The following FBXL5 variants were observed in gnomAD, a reference collection of about 807,000 sequenced individuals.
FBXL5 encodes the protein F-box/LRR-repeat protein 5.
Under a neutral mutation model 78.3 loss-of-function variants are expected in FBXL5, and 26 were observed. The observed-to-expected ratio is 0.33, with a 90% CI of 0.24 to 0.46. The LOEUF is 0.46. Among genes scored for constraint, FBXL5 ranks in the 20% least tolerant of loss-of-function variants. The pLI, the probability that FBXL5 is intolerant of heterozygous loss-of-function variation, is 1.00. For synonymous variants in FBXL5, 295 were observed against 282.5 expected (o/e 1.04, Z -0.45); for missense variants, 710 against 829.2 (o/e 0.86, Z 1.77).
intron 6 of FBXL5, among the ~76,000 whole-genome samples, chr4:15,629,873 A>C (rs1713442225): frequency 6.6e-6 from 1 of 152,142 alleles, no homozygotes; most frequent in Non-Finnish European, 1.5e-5. Flanking sequence ...TAACTTTATA[A>C]ATAAAATTTC....
chr4:15,664,550 C>CT (rs35319145), upstream of FBXL5, among the ~76,000 whole-genome samples: 17,661 of 75,666 alleles, frequency 0.23, 2,581 homozygotes, highest in East Asian at 0.38. Flanking sequence ...GGCCCTCATC[C>CT]TTTTTTTTTT....
rs147841428 is a variant in FBXL5, at chr4:15,636,020, C to A, written c.766+474G>T. On this transcript the variant is annotated intron_variant, in intron 5 of 10. Transcript: ENST00000341285. The stretch of plus-strand genomic sequence containing the variant: ...GATTCACAATTATTTTGAGCCATCA[C>A]CAAAATGGAGCCATAATGGTATATC... 1.8e-3 allele frequency among the ~76,000 whole-genome samples: 279 copies of A among 151,952 alleles called. 3 individuals carry two copies. Among genetic ancestry groups the A allele is most frequent in the East Asian group, 5.4e-3 (28 of 5,180 alleles).
At chr4:15,609,749 T>G (rs942122669) in intron 10 of FBXL5, among the ~76,000 whole-genome samples, 1 of 152,030 alleles carries the variant, frequency 6.6e-6, no homozygotes, top group African/African-American at 2.4e-5. Context: ...TCATAAAGAA[T>G]CATTCAGAAG....
At chr4:15,654,576 G>A (rs1716587136) in intron 1 of FBXL5, among the ~76,000 whole-genome samples, 1 of 152,216 alleles carries the variant, frequency 6.6e-6, no homozygotes, top group Non-Finnish European at 1.5e-5. Flanking sequence ...CAAGGAAAAC[G>A]ATAACGACAC....
At chr4:15,680,853 A>G (rs1189793737) in intron 1 of FBXL5, among the ~76,000 whole-genome samples, 1 of 149,714 alleles carries the variant, frequency 6.7e-6, no homozygotes, top group East Asian at 1.9e-4. Flanking sequence ...GTAGAATTTA[A>G]AAAAAAACTA....
rs752420469 is a variant in FBXL5 at position 15,630,806 on chromosome 4, A to T, written c.767-15T>A. 7 of 1,612,520 alleles carry T rather than the reference A, an allele frequency of 4.3e-6. No homozygotes were observed. Among genetic ancestry groups the T allele is most frequent in the Non-Finnish European group, 5.9e-6 (7 of 1,179,458 alleles). ...ATACCAGTCACCTACTCAATGAATA[A>T]ACAAGTAAAAGGTTCAAAATAATAT... On this transcript the variant is annotated splice_polypyrimidine_tract_variant and intron_variant, in intron 5 of 10. Coordinates refer to ENST00000341285, the MANE Select transcript of FBXL5 (RefSeq NM_012161.4).
At chr4:15,607,290 A>G (rs1721955540) in intron 10 of FBXL5, among the ~76,000 whole-genome samples, 1 of 152,224 alleles carries the variant, frequency 6.6e-6, no homozygotes, top group African/African-American at 2.4e-5. Flanking sequence ...TTTCCATAAC[A>G]GGAAGTTTAA....
At chr4:15,640,385 A>G (rs1229388012) in intron 3 of FBXL5, among the ~76,000 whole-genome samples, 1 of 118,430 alleles carries the variant, frequency 8.4e-6, no homozygotes, top group East Asian at 2.4e-4. Flanking sequence ...ATACTAAACT[A>G]CACTACTGAA....
chr4:15,668,158 A>T (rs189834221), intron 1 of FBXL5, among the ~76,000 whole-genome samples: 39 of 152,064 alleles, frequency 2.6e-4, no homozygotes, highest in African/African-American at 8.9e-4. Context: ...TAATGTGTGA[A>T]GGATTTCATC....
At chr4:15,678,510 G>A (rs1414395969) in intron 1 of FBXL5, among the ~76,000 whole-genome samples, 2 of 152,284 alleles carry the variant, frequency 1.3e-5, no homozygotes, top group East Asian at 3.9e-4. Flanking sequence ...AAGCTACAAT[G>A]CTACTTTCAT....
At chr4:15,651,066 AC>A (rs1715976855) in intron 1 of FBXL5, among the ~76,000 whole-genome samples, 1 of 152,208 alleles carries the variant, frequency 6.6e-6, no homozygotes, top group Non-Finnish European at 1.5e-5. Context: ...AAACGGCATA[AC>A]AAAAACACAT....
chr4:15,672,837 C>T (rs1238954188), intron 1 of FBXL5, among the ~76,000 whole-genome samples: 5 of 152,088 alleles, frequency 3.3e-5, no homozygotes, highest in African/African-American at 1.2e-4. Flanking sequence ...CTTGTAATAA[C>T]ATTTAGCTTA....
chr4:15,636,496 C>T lies in FBXL5; in HGVS notation c.764G>A (p.Arg255Lys). 3 of 1,580,988 alleles carry T rather than the reference C, an allele frequency of 1.9e-6. No individual in the cohort carries two copies. Among genetic ancestry groups the T allele is most frequent in the Non-Finnish European group, 2.6e-6 (3 of 1,161,214 alleles). Residue 255 changes from arginine (R) to lysine (K), a missense_variant and splice_region_variant, in exon 5 of 11, where the codon AGA (arginine) becomes AAA (lysine). Arg to Lys is a conservative substitution (Grantham distance 26). Around this residue, in one of 4 missense-constraint regions of FBXL5, gnomAD observed 517 missense variants for 542.9 expected, o/e 0.95. Transcript: ENST00000341285. ...WKHLYPVHWARGDWYSGPATE... is the reference protein window; with the variant it reads ...WKHLYPVHWAKGDWYSGPATE... ...ATTTTAAAAACCCATTTACCTACCT[C>T]TGGCCCAATGAACAGGGTAAAGATG...
At chr4:15,625,136 T>A in intron 9 of FBXL5, 116 bp downstream of exon 9, 2 of 1,196,414 alleles carry the variant, frequency 1.7e-6, no homozygotes, top group Non-Finnish European at 2.3e-6. Context: ...CAGATCTTGG[T>A]TAATCCTTTT....
intron 10 of FBXL5, among the ~76,000 whole-genome samples, chr4:15,606,437 C>A (rs574591904): frequency 3.4e-4 from 51 of 151,988 alleles, no homozygotes; most frequent in Admixed American, 1.4e-3. Flanking sequence ...AAAAAAAAAT[C>A]TGTGGAATAA....
intron 1 of FBXL5, among the ~76,000 whole-genome samples, chr4:15,673,975 T>C (rs982628313): frequency 1.3e-5 from 2 of 152,236 alleles, no homozygotes; most frequent in South Asian, 2.1e-4. Context: ...TTGGAAAACA[T>C]TGTTTTATAT....
At chr4:15,632,090 G>T (rs1209400604) in intron 5 of FBXL5, among the ~76,000 whole-genome samples, 2 of 152,126 alleles carry the variant, frequency 1.3e-5, no homozygotes, top group African/African-American at 4.8e-5. Flanking sequence ...ATTAATTTTT[G>T]TATAAGGTGT....
intron 5 of FBXL5, among the ~76,000 whole-genome samples, chr4:15,632,458 T>C (rs1713776634): frequency 6.6e-6 from 1 of 152,192 alleles, no homozygotes; most frequent in Non-Finnish European, 1.5e-5. Context: ...AAGAAAGCCA[T>C]TGGTAGCTTG....
At chr4:15,627,519 T>A (rs2148584600) in intron 7 of FBXL5, among the ~76,000 whole-genome samples, 1 of 152,344 alleles carries the variant, frequency 6.6e-6, no homozygotes, top group South Asian at 2.1e-4. Flanking sequence ...GAAGTCGTAA[T>A]ATCCACTTTT....
Sources: gnomAD v4.1 joint callset for allele counts (sites outside exome capture counted in the v4.1 genomes callset) on GRCh38, gnomAD v4.1.1 for gene constraint, gnomAD v4.1.1 regional missense constraint, MANE v1.5 for transcripts, NCBI Gene and HGNC (gene_info 2026-07-23, HGNC 2026-07-21) for gene names.